The following TRPC6 variants were observed in gnomAD, a reference collection of about 807,000 sequenced individuals.
The protein encoded by TRPC6 is short transient receptor potential channel 6.
Under a neutral mutation model 90.7 loss-of-function variants are expected in TRPC6, and 55 were observed. The ratio of observed to expected loss-of-function variants is 0.61; its 90% CI spans 0.49 to 0.76. TRPC6 has a LOEUF of 0.76. Among genes scored for constraint, TRPC6 ranks in the 30% least tolerant of loss-of-function variants. TRPC6 has a pLI of 0.00. For synonymous variants in TRPC6, 393 were observed against 393.0 expected (o/e 1.00, Z 0.00); for missense variants, 989 against 1,122.7 (o/e 0.88, Z 1.70).
chr11:101,491,513 C>G, intron 3 of TRPC6, 43 bp downstream of exon 3: 2 of 1,608,158 alleles, frequency 1.2e-6, no homozygotes, highest in Non-Finnish European at 1.7e-6. Context: ...TTAGCACCAA[C>G]AAGAACCAAA....
chr11:101,458,938 T>C (rs1405943554), intron 10 of TRPC6, among the ~76,000 whole-genome samples: 1 of 152,082 alleles, frequency 6.6e-6, no homozygotes, highest in Non-Finnish European at 1.5e-5. Flanking sequence ...ATGAGTTGGG[T>C]AGGAAAGAAT....
chr11:101,562,883 T>C (rs1861745006), intron 1 of TRPC6, among the ~76,000 whole-genome samples: 1 of 152,098 alleles, frequency 6.6e-6, no homozygotes. Flanking sequence ...ATGGAGAAAA[T>C]AATAGGCCTA....
intron 1 of TRPC6, among the ~76,000 whole-genome samples, chr11:101,566,058 A>G (rs12796392): frequency 0.074 from 11,188 of 151,752 alleles, 562 homozygotes; most frequent in Non-Finnish European, 0.11. Flanking sequence ...TCTTGCAGGT[A>G]AGAAGTGACA....
chr11:101,543,713 C>A (rs551269115), intron 1 of TRPC6, among the ~76,000 whole-genome samples: 22 of 152,244 alleles, frequency 1.4e-4, no homozygotes, highest in African/African-American at 5.3e-4. Flanking sequence ...CCCTTCCTTA[C>A]ACCTTACAGA....
At chr11:101,509,528 G>C (rs1860351516) in intron 1 of TRPC6, among the ~76,000 whole-genome samples, 2 of 152,102 alleles carry the variant, frequency 1.3e-5, no homozygotes, top group Admixed American at 1.3e-4. Flanking sequence ...TAGAATGTCT[G>C]AGTTGTGACA....
chr11:101,555,292 A>C (rs1861537868), intron 1 of TRPC6, among the ~76,000 whole-genome samples: 1 of 152,206 alleles, frequency 6.6e-6, no homozygotes, highest in South Asian at 2.1e-4. Flanking sequence ...TTCCGTTCCA[A>C]AGGCTGTACC....
chr11:101,532,669 A>G (rs769565794), intron 1 of TRPC6, among the ~76,000 whole-genome samples: 3 of 152,182 alleles, frequency 2.0e-5, no homozygotes, highest in Non-Finnish European at 2.9e-5. Flanking sequence ...CCCTCAGCCA[A>G]CATTGTTTTG....
intron 1 of TRPC6, among the ~76,000 whole-genome samples, chr11:101,521,437 G>A (rs774335279): frequency 9.2e-5 from 14 of 152,274 alleles, no homozygotes; most frequent in Non-Finnish European, 1.9e-4. Context: ...TTCAGAGGAT[G>A]TATGGAAACT....
chr11:101,454,831 A>AT (rs11301008), intron 11 of TRPC6, among the ~76,000 whole-genome samples, 187 bp downstream of exon 11: 2 of 151,352 alleles, frequency 1.3e-5, no homozygotes. Context: ...CCAATACTTT[A>AT]TTTTTTTTAA....
intron 10 of TRPC6, among the ~76,000 whole-genome samples, chr11:101,457,066 C>T (rs575255793): frequency 3.3e-5 from 5 of 152,128 alleles, no homozygotes; most frequent in South Asian, 4.1e-4. Context: ...TCCAAGTCTG[C>T]AACACGTTTG....
At chr11:101,465,706 T>A (rs1016786453) in intron 10 of TRPC6, among the ~76,000 whole-genome samples, 1 of 152,168 alleles carries the variant, frequency 6.6e-6, no homozygotes, top group Non-Finnish European at 1.5e-5. Flanking sequence ...TTTTCAAGGT[T>A]CTTAGTTTTT....
At chr11:101,462,867 G>A (rs1258208514) in intron 10 of TRPC6, among the ~76,000 whole-genome samples, 1 of 152,124 alleles carries the variant, frequency 6.6e-6, no homozygotes, top group Non-Finnish European at 1.5e-5. Flanking sequence ...TGGTGAGGGA[G>A]GACATCCTTC....
At chr11:101,558,282 T>C (rs541424521) in intron 1 of TRPC6, among the ~76,000 whole-genome samples, 1,789 of 86,014 alleles carry the variant, frequency 0.021, 147 homozygotes, top group African/African-American at 0.039. Context: ...TACATGTATA[T>C]ATGTATACAT....
intron 1 of TRPC6, among the ~76,000 whole-genome samples, chr11:101,521,455 G>T (rs1463828583): frequency 2.0e-5 from 3 of 152,250 alleles, no homozygotes; most frequent in Non-Finnish European, 4.4e-5. Flanking sequence ...ACTATTCCAT[G>T]TCCAGGCAGA....
At chr11:101,516,122 A>AAAAAAG (rs59829870) in intron 1 of TRPC6, among the ~76,000 whole-genome samples, 1 of 151,050 alleles carries the variant, frequency 6.6e-6, no homozygotes, top group African/African-American at 2.4e-5. Flanking sequence ...AAAAAAAAAA[A>AAAAAAG]GCAGAGTTTC....
intron 10 of TRPC6, among the ~76,000 whole-genome samples, chr11:101,469,155 C>T (rs189126697): frequency 6.7e-4 from 102 of 152,250 alleles, no homozygotes; most frequent in African/African-American, 2.1e-3. Flanking sequence ...AGAATATTCC[C>T]TTCTTTATAT....
In TRPC6 at chr11:101,553,328, A is replaced by T. The variant is rs72974356; in HGVS notation, c.170+30006T>A. Among the ~76,000 whole-genome samples the T allele has an allele frequency of 3.5e-3, 519 of 149,394 alleles. 4 individuals are homozygous for T. Among genetic ancestry groups the T allele is most frequent in the Middle Eastern group, 0.021 (6 of 286 alleles). On this transcript the variant is annotated intron_variant, in intron 1 of 12. Coordinates refer to ENST00000344327, the MANE Select transcript of TRPC6 (RefSeq NM_004621.6). ...TCTGATACCAGCCTTATTTTTTTTT[A>T]ATTTTTCTTTTGTTTCCTCCTGACT...
At chr11:101,545,782 T>G (rs1231208479) in intron 1 of TRPC6, among the ~76,000 whole-genome samples, 2 of 152,190 alleles carry the variant, frequency 1.3e-5, no homozygotes, top group Non-Finnish European at 2.9e-5. Context: ...TTCCTTTAAT[T>G]AAGACATCTT....
intron 1 of TRPC6, among the ~76,000 whole-genome samples, chr11:101,566,888 A>T (rs1211645819): frequency 6.6e-6 from 1 of 152,150 alleles, no homozygotes; most frequent in Admixed American, 6.5e-5. Flanking sequence ...AGACCAGGAG[A>T]TTCCCTAGGG....
Sources: gnomAD v4.1 joint callset for allele counts (sites outside exome capture counted in the v4.1 genomes callset) on GRCh38, gnomAD v4.1.1 for gene constraint, MANE v1.5 for transcripts, NCBI Gene and HGNC (gene_info 2026-07-23, HGNC 2026-07-21) for gene names.